Variants in PPARG observed in about 807,000 individuals in gnomAD.
The protein encoded by PPARG is peroxisome proliferator activated receptor gamma, also known as peroxisome proliferator-activated receptor gamma.
In PPARG, 17 loss-of-function variants were observed where a neutral mutation model predicts 39.2. The observed-to-expected ratio is 0.43, with a 90% CI of 0.30 to 0.65. PPARG has a LOEUF of 0.65. PPARG is among the 30% of genes least tolerant of loss of function. The probability of loss-of-function intolerance (pLI) is 0.13; values close to 1 mark genes in which losing one functional copy is unlikely to be tolerated. For synonymous variants in PPARG, 223 were observed against 215.7 expected, an observed-to-expected ratio of 1.03 and a Z score of -0.30; for missense variants, 406 against 585.9, an observed-to-expected ratio of 0.69 and a Z score of 3.17.
chr3:12,321,685 C>T lies in PPARG; in HGVS notation c.-9+9232C>T, dbSNP rs371819796. On this transcript the variant is annotated intron_variant, in intron 2 of 7. Transcript: ENST00000651735. ...AGCATTACAGACTCTGTGGTCGGCC[C>T]AGCCTACCTCTTCGATGTCATCACC... 4.7e-4 allele frequency among the ~76,000 whole-genome samples: 71 copies of T among 152,258 alleles called. 1 individual carries two copies. In the East Asian group the frequency reaches 8.1e-3, roughly 17 times the overall value.
At chr3:12,329,106 A>G (rs2047777445) in intron 2 of PPARG, among the ~76,000 whole-genome samples, 1 of 151,732 alleles carries the variant, frequency 6.6e-6, no homozygotes, top group South Asian at 2.1e-4. Context: ...AAACACAGCC[A>G]TTATAATTAT....
At chr3:12,326,736 A>T (rs974017979) in intron 2 of PPARG, among the ~76,000 whole-genome samples, 24 of 151,918 alleles carry the variant, frequency 1.6e-4, no homozygotes, top group Non-Finnish European at 2.2e-4. Context: ...GATATATAAA[A>T]AAAAAAAGGA....
intron 2 of PPARG, among the ~76,000 whole-genome samples, chr3:12,357,138 G>A (rs760483232): frequency 1.6e-4 from 24 of 151,792 alleles, no homozygotes; most frequent in Non-Finnish European, 2.8e-4. Flanking sequence ...AGTCTCAACC[G>A]GTCACCCACA....
chr3:12,328,782 C>G (rs2047765449), intron 2 of PPARG, among the ~76,000 whole-genome samples: 2 of 152,202 alleles, frequency 1.3e-5, no homozygotes, highest in Admixed American at 6.5e-5. Context: ...AGCTTTCAGG[C>G]CTACATGTAG....
intron 2 of PPARG, among the ~76,000 whole-genome samples, chr3:12,326,276 T>C (rs1174474556): frequency 6.6e-6 from 1 of 152,204 alleles, no homozygotes; most frequent in African/African-American, 2.4e-5. Context: ...TCTGCCAAGA[T>C]GAGCTGAGAA....
intron 7 of PPARG, among the ~76,000 whole-genome samples, chr3:12,427,417 C>T (rs1166571347): frequency 6.6e-6 from 1 of 152,146 alleles, no homozygotes; most frequent in Non-Finnish European, 1.5e-5. Context: ...TCTGCTCTAA[C>T]CAAGAACAAC....
At chr3:12,392,897 C>G in intron 5 of PPARG, 145 bp downstream of exon 5, 1 of 1,075,810 alleles carries the variant, frequency 9.3e-7, no homozygotes, top group South Asian at 1.4e-5. Context: ...AAACATTTCT[C>G]TTTTAGGTCA....
At chr3:12,375,881 A>G (rs137874915) in intron 2 of PPARG, among the ~76,000 whole-genome samples, 233 of 152,118 alleles carry the variant, frequency 1.5e-3, no homozygotes, top group African/African-American at 5.3e-3. Flanking sequence ...CCCATACGGT[A>G]CCTAATTAGT....
chr3:12,343,271 G>C (rs1312501670), intron 2 of PPARG, among the ~76,000 whole-genome samples: 5 of 152,082 alleles, frequency 3.3e-5, no homozygotes. Context: ...TCTTCACTCT[G>C]TTCCCTTTCC....
intron 1 of PPARG, among the ~76,000 whole-genome samples, chr3:12,302,874 C>T (rs574587249): frequency 1.0e-3 from 153 of 152,206 alleles, no homozygotes; most frequent in Non-Finnish European, 1.4e-3. Context: ...AAAATCCGGA[C>T]ATACCATGAG....
At chr3:12,340,328 C>T (rs892730548) in intron 2 of PPARG, among the ~76,000 whole-genome samples, 2 of 152,172 alleles carry the variant, frequency 1.3e-5, no homozygotes, top group African/African-American at 4.8e-5. Context: ...CCCAGAGTTG[C>T]TGTAGGCATT....
At chr3:12,320,349 A>G (rs1285249527) in intron 2 of PPARG, among the ~76,000 whole-genome samples, 1 of 152,224 alleles carries the variant, frequency 6.6e-6, no homozygotes, top group East Asian at 1.9e-4. Context: ...ATAAATACCA[A>G]TATCTACTAG....
intron 1 of PPARG, among the ~76,000 whole-genome samples, chr3:12,306,847 C>T (rs957292213): frequency 6.6e-6 from 1 of 151,898 alleles, no homozygotes; most frequent in Non-Finnish European, 1.5e-5. Context: ...CTGTAATCCC[C>T]CAGCACTTTG....
intron 2 of PPARG, among the ~76,000 whole-genome samples, chr3:12,316,796 A>G (rs2047401445): frequency 1.3e-5 from 2 of 152,024 alleles, no homozygotes; most frequent in East Asian, 1.9e-4. Flanking sequence ...CCTGTGTACC[A>G]TAAATTGTGA....
intron 2 of PPARG, among the ~76,000 whole-genome samples, chr3:12,332,997 C>T (rs994461731): frequency 1.3e-5 from 2 of 152,134 alleles, no homozygotes; most frequent in Admixed American, 1.3e-4. Context: ...CACCACTGCA[C>T]TCCAACCTAG....
At chr3:12,419,157 C>G (rs557832409) in intron 7 of PPARG, among the ~76,000 whole-genome samples, 6 of 152,188 alleles carry the variant, frequency 3.9e-5, no homozygotes, top group Non-Finnish European at 7.4e-5. Context: ...ATTGGTCAGG[C>G]TGGTCTCGAA....
intron 2 of PPARG, among the ~76,000 whole-genome samples, chr3:12,324,283 GA>G (rs374205829): frequency 0.011 from 1,564 of 143,688 alleles, 43 homozygotes; most frequent in African/African-American, 0.038. Flanking sequence ...TGTCTCAAAA[GA>G]AAAAAAAAAG....
At chr3:12,392,095 G>A (rs2050096230) in intron 4 of PPARG, among the ~76,000 whole-genome samples, 2 of 152,064 alleles carry the variant, frequency 1.3e-5, no homozygotes, top group African/African-American at 4.8e-5. Flanking sequence ...ACATAAATAA[G>A]TGAAACAAAT....
intron 1 of PPARG, among the ~76,000 whole-genome samples, chr3:12,296,565 C>A (rs1208039605): frequency 1.3e-5 from 2 of 152,134 alleles, no homozygotes; most frequent in Non-Finnish European, 2.9e-5. Flanking sequence ...TGCCCTATCT[C>A]TCTCCACTCA....
Sources: allele counts gnomAD v4.1 joint callset (sites outside exome capture counted in the v4.1 genomes callset), GRCh38; gene constraint gnomAD v4.1.1; transcripts MANE v1.5; gene names NCBI Gene and HGNC (gene_info 2026-07-23, HGNC 2026-07-21).